Variants in NXPE2 observed in about 807,000 individuals in gnomAD.
NXPE2 encodes the protein NXPE family member 2.
In NXPE2, 34 loss-of-function variants were observed where a neutral mutation model predicts 34.4. The observed-to-expected ratio is 0.99, with a 90% CI of 0.75 to 1.31. NXPE2 has a LOEUF of 1.31. Ranked by LOEUF, NXPE2 falls within the 40% of genes most tolerant of loss-of-function variation. The probability of loss-of-function intolerance (pLI) is 0.00; values close to 1 mark genes in which losing one functional copy is unlikely to be tolerated. For synonymous variants in NXPE2, 235 were observed against 231.3 expected, an observed-to-expected ratio of 1.02 and a Z score of -0.15; for missense variants, 649 against 672.5, an observed-to-expected ratio of 0.97 and a Z score of 0.39.
the NXPE2 span, chr11:114,528,007 G>A: frequency 1.4e-6 from 1 of 711,052 alleles, no homozygotes; most frequent in East Asian, 2.7e-5. Context: ...TCTATAACTG[G>A]AAGCTGTTAT....
At chr11:114,731,780 A>G in the NXPE2 span, among the ~76,000 whole-genome samples, 157 of 152,362 alleles carry the variant, frequency 1.0e-3, no homozygotes, top group South Asian at 0.012. Flanking sequence ...ACATATACAC[A>G]TAAGTAAGTA....
At chr11:114,609,672 G>A in the NXPE2 span, among the ~76,000 whole-genome samples, 1 of 151,176 alleles carries the variant, frequency 6.6e-6, no homozygotes, top group Admixed American at 6.6e-5. Flanking sequence ...TTACCCAGTG[G>A]ATAATAAGTA....
At chr11:114,727,806 C>CAA in the NXPE2 span, among the ~76,000 whole-genome samples, 18 of 151,624 alleles carry the variant, frequency 1.2e-4, no homozygotes, top group Non-Finnish European at 2.9e-5. Flanking sequence ...CACACACACA[C>CAA]ACACACACAC....
the NXPE2 span, among the ~76,000 whole-genome samples, chr11:114,515,022 G>T: frequency 7.4e-3 from 1,127 of 152,014 alleles, 12 homozygotes; most frequent in Non-Finnish European, 0.013. Context: ...CAACATTTCT[G>T]TATTGTCATA....
At chr11:114,567,108 A>T in the NXPE2 span, among the ~76,000 whole-genome samples, 2 of 152,128 alleles carry the variant, frequency 1.3e-5, no homozygotes, top group African/African-American at 4.8e-5. Flanking sequence ...GACATCCAGT[A>T]GGGCTCTTCC....
At chr11:114,482,129 G>A in the NXPE2 span, among the ~76,000 whole-genome samples, 6 of 152,142 alleles carry the variant, frequency 3.9e-5, no homozygotes, top group Non-Finnish European at 5.9e-5. Context: ...TGCCTGTACC[G>A]TGTCAGTAGC....
At chr11:114,549,412 G>A in the NXPE2 span, among the ~76,000 whole-genome samples, 1 of 151,938 alleles carries the variant, frequency 6.6e-6, no homozygotes, top group Non-Finnish European at 1.5e-5. Flanking sequence ...TCATAATTCA[G>A]AGAGTTTTAT....
the NXPE2 span, among the ~76,000 whole-genome samples, chr11:114,655,260 C>T: frequency 0.02 from 3,028 of 152,196 alleles, 40 homozygotes; most frequent in Non-Finnish European, 0.033. Flanking sequence ...AAAATTTTCT[C>T]CCATTCTGTA....
the NXPE2 span, among the ~76,000 whole-genome samples, chr11:114,590,423 T>G: frequency 2.6e-5 from 4 of 152,178 alleles, no homozygotes; most frequent in African/African-American, 7.2e-5. Context: ...GACAAGATTT[T>G]GGGGCATTAC....
At chr11:114,581,290 A>G in the NXPE2 span, among the ~76,000 whole-genome samples, 1 of 152,156 alleles carries the variant, frequency 6.6e-6, no homozygotes, top group South Asian at 2.1e-4. Context: ...AAAGGTGGCA[A>G]AGATCAAGAG....
At chr11:114,592,533 A>T in the NXPE2 span, among the ~76,000 whole-genome samples, 2 of 150,800 alleles carry the variant, frequency 1.3e-5, no homozygotes, top group Non-Finnish European at 3.0e-5. Flanking sequence ...ACACACACTC[A>T]CACACACACA....
the NXPE2 span, among the ~76,000 whole-genome samples, chr11:114,534,807 G>T: frequency 6.6e-6 from 1 of 152,172 alleles, no homozygotes; most frequent in Admixed American, 6.5e-5. Context: ...ACGTCTAATT[G>T]GTGTACCTGA....
At chr11:114,738,091 A>G in the NXPE2 span, among the ~76,000 whole-genome samples, 1 of 152,138 alleles carries the variant, frequency 6.6e-6, no homozygotes, top group Non-Finnish European at 1.5e-5. Context: ...TGTCTCAAAA[A>G]CAAACCAATG....
At chr11:114,703,768 A>G (rs1325162484) in intron 3 of NXPE2, among the ~76,000 whole-genome samples, 1 of 152,156 alleles carries the variant, frequency 6.6e-6, no homozygotes, top group Non-Finnish European at 1.5e-5. Context: ...TGGATTGCGT[A>G]TGGAGGGTGA....
chr11:114,798,524 C>T, the NXPE2 span, among the ~76,000 whole-genome samples: 1 of 152,192 alleles, frequency 6.6e-6, no homozygotes, highest in Non-Finnish European at 1.5e-5. Flanking sequence ...GCTGGGATTA[C>T]AGGCACATGC....
At chr11:114,473,555 AAC>A in the NXPE2 span, among the ~76,000 whole-genome samples, 3 of 152,326 alleles carry the variant, frequency 2.0e-5, no homozygotes, top group African/African-American at 7.2e-5. Context: ...AATATATACA[AAC>A]ACAGAGGTTA....
the NXPE2 span, chr11:114,530,138 G>C: frequency 6.5e-7 from 1 of 1,548,170 alleles, no homozygotes; most frequent in East Asian, 2.2e-5. Context: ...GCACTTCTCA[G>C]GGGACACTTC....
chr11:114,645,846 T>A, the NXPE2 span, among the ~76,000 whole-genome samples: 1 of 152,184 alleles, frequency 6.6e-6, no homozygotes, highest in Non-Finnish European at 1.5e-5. Flanking sequence ...AGGCCAAATT[T>A]GAGAGTATAA....
the NXPE2 span, among the ~76,000 whole-genome samples, chr11:114,782,810 C>T: frequency 2.0e-5 from 3 of 152,242 alleles, no homozygotes; most frequent in African/African-American, 7.2e-5. Context: ...GGGTCTTTAG[C>T]ACTGATGAAA....
Sources: gnomAD v4.1 joint callset for allele counts (sites outside exome capture counted in the v4.1 genomes callset) on GRCh38, gnomAD v4.1.1 for gene constraint, MANE v1.5 for transcripts, NCBI Gene and HGNC (gene_info 2026-07-23, HGNC 2026-07-21) for gene names.